IMMP2L: variants seen among roughly 807,000 people sequenced by gnomAD.
The protein encoded by IMMP2L is inner mitochondrial membrane peptidase subunit 2.
Under a neutral mutation model 19.3 loss-of-function variants are expected in IMMP2L, and 18 were observed. The ratio of observed to expected loss-of-function variants is 0.93; its 90% CI spans 0.64 to 1.38. The LOEUF (loss-of-function observed/expected upper bound fraction) is 1.38. Among genes scored for constraint, IMMP2L ranks in the 40% most tolerant of loss-of-function variants. IMMP2L has a pLI of 0.00. For missense variants in IMMP2L, 233 were observed against 218.2 expected, an observed-to-expected ratio of 1.07 and a Z score of -0.43; for synonymous variants, 76 against 73.0, an observed-to-expected ratio of 1.04 and a Z score of -0.21.
chr7:111,323,550 A>T (rs1158249960), intron 3 of IMMP2L, among the ~76,000 whole-genome samples: 1 of 152,122 alleles, frequency 6.6e-6, no homozygotes, highest in African/African-American at 2.4e-5. Context: ...GTAGGACTGT[A>T]AACTAGTTCA....
At chr7:111,182,031 G>A (rs1040812067) in intron 3 of IMMP2L, among the ~76,000 whole-genome samples, 19 of 151,790 alleles carry the variant, frequency 1.3e-4, no homozygotes, top group African/African-American at 4.1e-4. Context: ...AGCATAAAAA[G>A]AAATAAAAAA....
intron 3 of IMMP2L, among the ~76,000 whole-genome samples, chr7:111,257,404 T>C (rs926891302): frequency 6.6e-6 from 1 of 152,186 alleles, no homozygotes; most frequent in Non-Finnish European, 1.5e-5. Flanking sequence ...AACATGCAAT[T>C]GCAAGTTTAA....
chr7:110,944,351 A>T (rs1473385442), intron 4 of IMMP2L, among the ~76,000 whole-genome samples: 4 of 151,964 alleles, frequency 2.6e-5, no homozygotes, highest in Admixed American at 6.6e-5. Context: ...ATGGATGGGG[A>T]TGGAGAAGGA....
At chr7:111,092,885 T>G (rs1042706014) in intron 3 of IMMP2L, among the ~76,000 whole-genome samples, 7 of 152,224 alleles carry the variant, frequency 4.6e-5, no homozygotes, top group Non-Finnish European at 1.5e-5. Flanking sequence ...TTAGTTCAAC[T>G]AACCACACAG....
At chr7:110,799,308 AG>A (rs1801083224) in intron 5 of IMMP2L, among the ~76,000 whole-genome samples, 1 of 152,014 alleles carries the variant, frequency 6.6e-6, no homozygotes, top group Admixed American at 6.6e-5. Flanking sequence ...AGTTTTTGAA[AG>A]GGTGACTCCT....
In IMMP2L at chr7:111,213,224, G is replaced by T. The variant is rs114056571; in HGVS notation, c.240-249659C>A. ...TGGAGTGGAGTTGAGGCCTAGCCCG[G>T]GTGCTGTCACAATCAGGCTGAGTGT... On this transcript the variant is annotated intron_variant, in intron 3 of 5. Transcript: ENST00000405709. The surrounding 1 kb of genome is among the most constrained non-coding windows in gnomAD (Gnocchi z 4.8). 8.3e-3 allele frequency among the ~76,000 whole-genome samples: 1,261 copies of T among 152,294 alleles called. 22 individuals are homozygous for T. The highest frequency in any genetic ancestry group is 0.029 in the African/African-American group (1,198 of 41,560).
chr7:111,363,958 C>A (rs1476838189), intron 3 of IMMP2L, among the ~76,000 whole-genome samples: 2 of 151,884 alleles, frequency 1.3e-5, no homozygotes, highest in African/African-American at 2.4e-5. Flanking sequence ...CCTAAAGGTT[C>A]GATTCAGTAA....
At chr7:110,964,515 T>G (rs1453413574) in intron 3 of IMMP2L, among the ~76,000 whole-genome samples, 1 of 152,032 alleles carries the variant, frequency 6.6e-6, no homozygotes, top group Non-Finnish European at 1.5e-5. Context: ...TTGACAGGTT[T>G]TGATATACTT....
At chr7:111,122,017 GGAACT>G (rs1450452796) in intron 3 of IMMP2L, among the ~76,000 whole-genome samples, 1 of 150,016 alleles carries the variant, frequency 6.7e-6, no homozygotes. Context: ...CTCATAGTTG[GGAACT>G]GAACAATGAG....
chr7:110,822,965 T>A (rs1322428039), intron 5 of IMMP2L, among the ~76,000 whole-genome samples: 1 of 152,086 alleles, frequency 6.6e-6, no homozygotes, highest in African/African-American at 2.4e-5. Context: ...GGCACTCAAG[T>A]GTCTGATGAG....
At chr7:110,928,110 A>G (rs1272564575) in intron 4 of IMMP2L, among the ~76,000 whole-genome samples, 1 of 152,076 alleles carries the variant, frequency 6.6e-6, no homozygotes, top group Non-Finnish European at 1.5e-5. Context: ...AAGTAGAAGA[A>G]AAAAAGAGTT....
chr7:111,394,672 A>C (rs563118635), intron 3 of IMMP2L, among the ~76,000 whole-genome samples: 1 of 152,262 alleles, frequency 6.6e-6, no homozygotes, highest in East Asian at 1.9e-4. Context: ...TTTCATCTCA[A>C]AGAACTTTAA....
chr7:110,939,743 G>A (rs879850012), intron 4 of IMMP2L, among the ~76,000 whole-genome samples: 1 of 152,102 alleles, frequency 6.6e-6, no homozygotes. Flanking sequence ...ACAAAATGTG[G>A]GTATCTCGCT....
intron 3 of IMMP2L, among the ~76,000 whole-genome samples, chr7:111,078,313 G>A (rs777544369): frequency 2.0e-5 from 3 of 152,140 alleles, no homozygotes; most frequent in East Asian, 1.9e-4. Flanking sequence ...CTTGGTATGC[G>A]CTTTCAGGAA....
chr7:111,350,009 CT>C, intron 3 of IMMP2L, among the ~76,000 whole-genome samples: 1 of 151,354 alleles, frequency 6.6e-6, no homozygotes, highest in East Asian at 1.9e-4. Flanking sequence ...CTCTTATTGC[CT>C]AGACTGGAGT....
At chr7:110,686,827 C>T (rs1178394657) in intron 5 of IMMP2L, among the ~76,000 whole-genome samples, 2 of 152,080 alleles carry the variant, frequency 1.3e-5, no homozygotes. Context: ...TTTTCCCCAA[C>T]TGCTATACAC....
chr7:111,433,501 A>G (rs2131708248), intron 3 of IMMP2L, among the ~76,000 whole-genome samples: 1 of 151,936 alleles, frequency 6.6e-6, no homozygotes. Flanking sequence ...TGTGAGAGTT[A>G]TTCACTACAA....
At chr7:111,305,704 G>GA (rs1456785219) in intron 3 of IMMP2L, among the ~76,000 whole-genome samples, 2 of 152,112 alleles carry the variant, frequency 1.3e-5, no homozygotes, top group Non-Finnish European at 2.9e-5. Context: ...GTCTATCCTG[G>GA]AAAGGCTAAT....
At chr7:111,171,235 G>A (rs1334568763) in intron 3 of IMMP2L, among the ~76,000 whole-genome samples, 2 of 151,634 alleles carry the variant, frequency 1.3e-5, no homozygotes, top group Non-Finnish European at 3.0e-5. Context: ...AAGAGGATAT[G>A]TGGTGCACAC....
Sources: allele counts gnomAD v4.1 joint callset (sites outside exome capture counted in the v4.1 genomes callset), GRCh38; gene constraint gnomAD v4.1.1; non-coding constraint Gnocchi (gnomAD v3.1); transcripts MANE v1.5; gene names NCBI Gene and HGNC (gene_info 2026-07-23, HGNC 2026-07-21).